Variants in ROBO3 observed in about 807,000 individuals in gnomAD.
The protein encoded by ROBO3 is roundabout guidance receptor 3, also known as roundabout homolog 3.
ROBO3 carries 97 observed loss-of-function variants against 160.5 expected under a neutral mutation model. The ratio of observed to expected loss-of-function variants is 0.60; its 90% CI spans 0.51 to 0.72. ROBO3 has a LOEUF of 0.72. Ranked by LOEUF, ROBO3 falls within the 30% of genes least tolerant of loss-of-function variation. ROBO3 has a pLI of 0.00. For missense variants in ROBO3, 1,858 were observed against 1,846.5 expected (o/e 1.01, Z -0.11); for synonymous variants, 780 against 746.2 (o/e 1.05, Z -0.74).
intron 13 of ROBO3, 70 bp downstream of exon 13, chr11:124,874,979 A>G: frequency 6.5e-7 from 1 of 1,546,172 alleles, no homozygotes; most frequent in Non-Finnish European, 8.8e-7. Flanking sequence ...TCCAAGAGTG[A>G]GTATGGGAGA....
chr11:124,877,753 G>A (rs752709199), intron 20 of ROBO3, 95 bp downstream of exon 20: 9 of 1,505,340 alleles, frequency 6.0e-6, no homozygotes, highest in Non-Finnish European at 8.2e-6. Flanking sequence ...TCTCTCTGAG[G>A]TTGGTCAGTC....
Position 124,872,884 on chromosome 11 carries a change from C to A in ROBO3, c.1331C>A (p.Ala444Asp), listed in dbSNP as rs2135329472. Reference protein sequence around the residue: ...LAKALLEIKGASLDGLPPVIL... With the variant: ...LAKALLEIKGDSLDGLPPVIL... ...GGTGCACACGTTCTTCCTCTCTCAG[C>A]CTCTTTGGATGGGCTGCCTCCTGTC... The change falls in exon 9 of 28, where the codon GCC (alanine) becomes GAC (aspartate). Residue 444 changes from alanine to aspartate, a missense_variant and splice_region_variant. Physicochemically the swap from Ala to Asp is moderately radical, Grantham distance 126 (BLOSUM62 -2). Coordinates refer to ENST00000397801, the MANE Select transcript of ROBO3 (RefSeq NM_022370.4). The surrounding 1 kb of genome is among the most constrained non-coding windows in gnomAD (Gnocchi z 4.3). 2.5e-6 allele frequency: 4 copies of A among 1,598,038 alleles called. 1 individual carries two copies. In the East Asian group the frequency reaches 6.7e-5, roughly 27 times the overall value.
intron 1 of ROBO3, among the ~76,000 whole-genome samples, chr11:124,866,835 T>C (rs1054648242): frequency 1.3e-5 from 2 of 151,738 alleles, no homozygotes; most frequent in Non-Finnish European, 2.9e-5. Flanking sequence ...TATAGAAGGA[T>C]TGGGGAGAAA....
chr11:124,880,667 G>A (rs1591524288), intron 27 of ROBO3, 59 bp downstream of exon 27: 1 of 1,458,076 alleles, frequency 6.9e-7, no homozygotes, highest in East Asian at 2.5e-5. Flanking sequence ...GTGGACCAAG[G>A]CGTAATGGAA....
chr11:124,870,190 A>G lies in ROBO3; in HGVS notation c.792A>G (p.Pro264=). The G allele has an allele frequency of 6.2e-7, 1 of 1,614,028 alleles. No individual in the cohort carries two copies. The highest frequency in any genetic ancestry group is 8.5e-7 in the Non-Finnish European group (1 of 1,179,888). The stretch of plus-strand genomic sequence containing the variant: ...AGCGTCCCTCATTCCTGCGCAGACC[A>G]GTGAATCAGGTGGTCCTGGCTGATG... ...VLERPSFLRR[P]VNQVVLADAP... The change falls in exon 5 of 28, where the codon CCA becomes CCG. Residue 264 remains proline (P), a synonymous_variant. Coordinates refer to ENST00000397801, the MANE Select transcript of ROBO3 (RefSeq NM_022370.4).
Position 124,873,083 on chromosome 11 carries a change from T to C in ROBO3, c.1530T>C (p.Asn510=), listed in dbSNP as rs1347069551. The change falls in exon 9 of 28, where the codon AAT becomes AAC. Residue 510 remains asparagine, a synonymous_variant. Transcript: ENST00000397801. The surrounding 1 kb of genome is among the most constrained non-coding windows in gnomAD (Gnocchi z 4.5). ...CCAACGGTACCCTGTACATCGCCAA[T>C]GTGCAGGTGAGTGTCACCCCTGGGG... ...TMANGTLYIA[N]VQEMDMGFYS... 23 of 1,613,256 alleles carry C rather than the reference T, an allele frequency of 1.4e-5. No individual in the cohort carries two copies. Among genetic ancestry groups the C allele is most frequent in the Non-Finnish European group, 1.9e-5 (22 of 1,179,518 alleles).
intron 5 of ROBO3, 62 bp downstream of exon 5, chr11:124,870,365 GA>G (rs1424401052): frequency 1.9e-6 from 3 of 1,558,388 alleles, no homozygotes; most frequent in Non-Finnish European, 2.6e-6. Flanking sequence ...TTCTGCCCTA[GA>G]AAACCGGAAG....
At position 124,865,651 on chromosome 11, in the gene ROBO3, A is replaced by C. The variant is rs1257386789; in HGVS notation, c.74A>C (p.Asn25Thr). The stretch of plus-strand genomic sequence containing the variant: ...GACTCTCTGGCCGGGGACATCTCCA[A>C]CTCCAGCGAGCTGCTCTTGGGCTTC... ...FADSLAGDIS[N>T]SSELLLGFNS... Residue 25 changes from asparagine to threonine, a missense_variant, in exon 1 of 28, where the codon AAC becomes ACC. By Grantham distance (65) the Asn-to-Thr change is moderately conservative. Coordinates refer to ENST00000397801, the MANE Select transcript of ROBO3 (RefSeq NM_022370.4). The surrounding 1 kb of genome is among the most constrained non-coding windows in gnomAD (Gnocchi z 5.5). The C allele has an allele frequency of 1.2e-6, 2 of 1,612,644 alleles. No homozygotes were observed. The highest frequency in any genetic ancestry group is 1.1e-5 in the South Asian group (1 of 90,782).
rs768394040 is a variant in ROBO3 at position 124,877,128 on chromosome 11, C to T, written c.2780-33C>T. ...TTTCTGACCCTTCTCCTCATTTCAC[C>T]TCTTCTTTCTCCCACGGGTTCCTTT... On this transcript the variant is annotated intron_variant, in intron 17 of 27. Coordinates refer to ENST00000397801, the MANE Select transcript of ROBO3 (RefSeq NM_022370.4). The T allele has an allele frequency of 9.3e-6, 15 of 1,613,006 alleles. No individual in the cohort carries two copies. The East Asian group carries it at 3.3e-4, about 36-fold the overall frequency.
In ROBO3 at chr11:124,876,183, C is replaced by G; in HGVS notation, c.2593+58C>G. 1.3e-6 allele frequency: 2 copies of G among 1,536,856 alleles called. No homozygotes were observed. Among genetic ancestry groups the G allele is most frequent in the Non-Finnish European group, 1.7e-6 (2 of 1,148,984 alleles). ...TGACGGGGGCGGGGCAAGCCCCCCA[C>G]TGGGGTAGCTGTGCCTGCCGGGTCG... On this transcript the variant is annotated intron_variant, in intron 16 of 27. Transcript: ENST00000397801. The surrounding 1 kb of genome is among the most constrained non-coding windows in gnomAD (Gnocchi z 5.3).
Position 124,876,316 on chromosome 11 carries a change from G to A in ROBO3, c.2635G>A (p.Gly879Arg), listed in dbSNP as rs1162887336. The change falls in exon 17 of 28, where the codon GGG becomes AGG. Residue 879 changes from glycine (G) to arginine (R), a missense_variant. Physicochemically the swap from Gly to Arg is moderately radical, Grantham distance 125. Transcript: ENST00000397801. The surrounding 1 kb of genome is among the most constrained non-coding windows in gnomAD (Gnocchi z 5.3). ...DLEPGLEVGA[G>R]LAVRLARVLR... Reference sequence around the variant, plus strand: ...GGAGCCCGGGCTGGAGGTGGGCGCGGGGCTGGCGGTGCGGCTGGCGAGGGT... The same window carrying A: ...GGAGCCCGGGCTGGAGGTGGGCGCGAGGCTGGCGGTGCGGCTGGCGAGGGT... 6.9e-7 allele frequency: 1 copy of A among 1,448,662 alleles called. No individual in the cohort carries two copies. The highest frequency in any genetic ancestry group is 9.0e-7 in the Non-Finnish European group (1 of 1,113,222). 89.7% of individuals were successfully genotyped at this position (1,448,662 alleles called of 1,614,324 possible).
Position 124,878,508 on chromosome 11 carries a change from G to C in ROBO3, c.3320+72G>C, listed in dbSNP as rs2135344165. On this transcript the variant is annotated intron_variant, in intron 22 of 27. Transcript: ENST00000397801. The surrounding 1 kb of genome is among the most constrained non-coding windows in gnomAD (Gnocchi z 4.3). ...ATGGGCTGCTGGGGAGGAAGGGGAG[G>C]GGGCAGCAGGAAGGCCAACGGGAAG... The C allele has an allele frequency of 3.1e-6, 5 of 1,600,580 alleles. No individual in the cohort carries two copies. In the Middle Eastern group the frequency reaches 5.2e-4, roughly 166 times the overall value.
At chr11:124,871,268 G>T (rs1189630224) in intron 7 of ROBO3, 130 bp downstream of exon 7, 2 of 1,131,602 alleles carry the variant, frequency 1.8e-6, no homozygotes, top group South Asian at 1.8e-5. Flanking sequence ...ACCCTTGCAG[G>T]TTATTTGAGA....
rs145317788 is a variant in ROBO3, at chr11:124,869,919, G to C, written c.646-29G>C. 12,850 of 1,569,934 alleles carry C rather than the reference G, an allele frequency of 8.2e-3. 108 individuals carry two copies. Among genetic ancestry groups the C allele is most frequent in the Non-Finnish European group, 8.3e-3 (9,634 of 1,157,532 alleles). On this transcript the variant is annotated intron_variant, in intron 3 of 27. Transcript: ENST00000397801. The surrounding 1 kb of genome is among the most constrained non-coding windows in gnomAD (Gnocchi z 4.2). ...ATATATACGCTGTGATAGCTGAAAT[G>C]GACCAAAGTTACCATTATTGCTCTG...
Position 124,865,746 on chromosome 11 carries a change from C to T in ROBO3, c.160+9C>T. 2 of 1,602,094 alleles carry T rather than the reference C, an allele frequency of 1.2e-6. No individual in the cohort carries two copies. The highest frequency in any genetic ancestry group is 1.7e-6 in the Non-Finnish European group (2 of 1,175,424). The stretch of plus-strand genomic sequence containing the variant: ...CGATCCCTCTCTCAACGGTGAGACC[C>T]TGCCTCTTGGGGATATGGGATCCTG... On this transcript the variant is annotated intron_variant, in intron 1 of 27. Coordinates refer to ENST00000397801, the MANE Select transcript of ROBO3 (RefSeq NM_022370.4). The surrounding 1 kb of genome is among the most constrained non-coding windows in gnomAD (Gnocchi z 5.5).
At chr11:124,867,931 T>C (rs1381963619) in intron 1 of ROBO3, among the ~76,000 whole-genome samples, 8 of 151,892 alleles carry the variant, frequency 5.3e-5, no homozygotes, top group Admixed American at 5.2e-4. Context: ...GGGCTGAGAG[T>C]GCCGGAGTAT....
Position 124,876,795 on chromosome 11 carries a change from G to C in ROBO3, c.2779+335G>C, listed in dbSNP as rs887624565. 2 of 497,706 alleles carry C rather than the reference G, an allele frequency of 4.0e-6. No individual in the cohort carries two copies. Among genetic ancestry groups the C allele is most frequent in the South Asian group, 3.0e-5 (1 of 33,130 alleles). The allele number at this position is 497,706 out of a possible 1,614,324, so 30.8% of individuals were successfully genotyped here. ...GGCGGGGGGCGGGGCCTGGCAAGAGGGGGTGTGGCCAGGATCCCAGGCAGT... is the reference window on the plus strand; with the variant it reads ...GGCGGGGGGCGGGGCCTGGCAAGAGCGGGTGTGGCCAGGATCCCAGGCAGT... On this transcript the variant is annotated intron_variant, in intron 17 of 27. Coordinates refer to ENST00000397801, the MANE Select transcript of ROBO3 (RefSeq NM_022370.4). The surrounding 1 kb of genome is among the most constrained non-coding windows in gnomAD (Gnocchi z 5.3).
Position 124,877,657 on chromosome 11 carries a change from C to CGGTGAGGA in ROBO3, c.2986+1_2986+8dup. 1.9e-6 allele frequency: 3 copies of CGGTGAGGA among 1,610,812 alleles called. No homozygotes were observed. The highest frequency in any genetic ancestry group is 2.5e-6 in the Non-Finnish European group (3 of 1,178,636). On this transcript the variant is annotated frameshift_variant and splice_region_variant, in exon 20 of 28. Transcript: ENST00000397801. LOFTEE classifies it high-confidence loss of function. ...CTGACCCGGACGACAGATATTACAA[C>CGGTGAGGA]GGTGAGGAGTTCTCATTCCCTCACC...
Position 124,879,337 on chromosome 11 carries a change from C to G in ROBO3, c.3681C>G (p.Ala1227=). The G allele has an allele frequency of 6.2e-7, 1 of 1,608,890 alleles. No homozygotes were observed. The highest frequency in any genetic ancestry group is 8.5e-7 in the Non-Finnish European group (1 of 1,176,822). ...PSPAPSTASS[A]PGRTWQGNGE... is the part of the protein sequence containing the mutation. ...CTGCCCCTAGCACAGCCAGCAGTGC[C>G]CCAGGTAAGTCTCTACAACCTCCTT... Residue 1227 remains alanine, a synonymous_variant, in exon 24 of 28, where the codon GCC becomes GCG. Coordinates refer to ENST00000397801, the MANE Select transcript of ROBO3 (RefSeq NM_022370.4).
Sources: gnomAD v4.1 joint callset for allele counts (sites outside exome capture counted in the v4.1 genomes callset) on GRCh38, gnomAD v4.1.1 for gene constraint, Gnocchi (gnomAD v3.1) non-coding constraint, MANE v1.5 for transcripts, NCBI Gene and HGNC (gene_info 2026-07-23, HGNC 2026-07-21) for gene names.